Variants in SLC16A9 observed in about 807,000 individuals in gnomAD.
SLC16A9 encodes monocarboxylate transporter 9.
A neutral mutation model predicts 44.3 loss-of-function variants in SLC16A9; 26 were observed. The ratio of observed to expected loss-of-function variants is 0.59; its 90% CI spans 0.43 to 0.81. The LOEUF (loss-of-function observed/expected upper bound fraction) is 0.81. SLC16A9 is among the 40% of genes least tolerant of loss of function. The pLI, the probability that SLC16A9 is intolerant of heterozygous loss-of-function variation, is 0.00. For missense variants in SLC16A9, 559 were observed against 595.8 expected (o/e 0.94, Z 0.64); for synonymous variants, 230 against 225.1 (o/e 1.02, Z -0.19).
chr10:59,657,332 G>T (rs973444998), intron 4 of SLC16A9, among the ~76,000 whole-genome samples: 1 of 152,118 alleles, frequency 6.6e-6, no homozygotes, highest in African/African-American at 2.4e-5. Context: ...GAGGAAGATC[G>T]CTTCCCCCAA....
intron 1 of SLC16A9, among the ~76,000 whole-genome samples, chr10:59,702,764 TATAA>T (rs1791265493): frequency 6.6e-6 from 1 of 152,238 alleles, no homozygotes; most frequent in Non-Finnish European, 1.5e-5. Flanking sequence ...TTTGGATCCA[TATAA>T]ATAGCTTTTT....
chr10:59,672,871 G>C lies in SLC16A9; in HGVS notation c.239C>G (p.Pro80Arg), dbSNP rs748701864. 5 of 1,613,342 alleles carry C rather than the reference G, an allele frequency of 3.1e-6. No homozygotes were observed. Among genetic ancestry groups the C allele is most frequent in the Admixed American group, 3.3e-5 (2 of 59,906 alleles). Reference protein sequence around the residue: ...SLCVSSFGARPVTIFSGFMVA... With the variant: ...SLCVSSFGARRVTIFSGFMVA... Reference sequence around the variant, plus strand: ...CATGAAGCCACTGAAGATTGTGACAGGTCTTGCTCCAAAAGATGAGACACA... The same window carrying C: ...CATGAAGCCACTGAAGATTGTGACACGTCTTGCTCCAAAAGATGAGACACA... Residue 80 changes from proline (P) to arginine (R), a missense_variant, in exon 3 of 6, where the codon CCT becomes CGT. Transcript: ENST00000395348.
Position 59,654,505 on chromosome 10 carries a change from A to G in SLC16A9, c.521T>C (p.Val174Ala). 1 of 1,610,948 alleles carries G rather than the reference A, an allele frequency of 6.2e-7. No individual in the cohort carries two copies. The highest frequency in any genetic ancestry group is 8.5e-7 in the Non-Finnish European group (1 of 1,180,010). The change falls in exon 5 of 6, where the codon GTG (valine) becomes GCG (alanine). Residue 174 changes from valine to alanine, a missense_variant. By Grantham distance (64) the Val-to-Ala change is moderately conservative. Transcript: ENST00000395348. ...TAATATATTTAAAGCTAAAGCACCC[A>G]CAATCAGCAAGCATCCATCCAGTCC... ...FYGLDGCLLI[V>A]GALALNILAC...
chr10:59,652,824 AGTTGCTTGT>A lies in SLC16A9; in HGVS notation c.1469_1477del (p.Asn490_Leu493delinsIle), dbSNP rs776596319. On this transcript the variant is annotated inframe_deletion, in exon 6 of 6. Transcript: ENST00000395348. ...GAAAGTTGTTGGAGCTGGCTTGGGGAGTTGCTTGTTGCATGTATCCCAAGAGGGCAAGGC... is the reference window on the plus strand; with the variant it reads ...GAAAGTTGTTGGAGCTGGCTTGGGGATGCATGTATCCCAAGAGGGCAAGGC... 8 of 1,613,918 alleles carry A rather than the reference AGTTGCTTGT, an allele frequency of 5.0e-6. No individual in the cohort carries two copies. Among genetic ancestry groups the A allele is most frequent in the Non-Finnish European group, 6.8e-6 (8 of 1,179,918 alleles).
In SLC16A9 at chr10:59,652,789, C is replaced by T; in HGVS notation, c.1513G>A (p.Val505Ile). The T allele has an allele frequency of 6.2e-7, 1 of 1,611,436 alleles. No individual in the cohort carries two copies. The highest frequency in any genetic ancestry group is 8.5e-7 in the Non-Finnish European group (1 of 1,179,214). ...ATATTCTTCTAAACATTAGAGGCAA[C>T]TTTGTACAAGAAAGTTGTTGGAGCT... ...KPAPTTFLYK[V>I]ASNV Residue 505 changes from valine to isoleucine, a missense_variant, in exon 6 of 6, where the codon GTT becomes ATT. Coordinates refer to ENST00000395348, the MANE Select transcript of SLC16A9 (RefSeq NM_194298.3).
chr10:59,688,876 G>A (rs953673123), intron 1 of SLC16A9, among the ~76,000 whole-genome samples: 1 of 151,810 alleles, frequency 6.6e-6, no homozygotes, highest in African/African-American at 2.4e-5. Context: ...GAGGTTGCGG[G>A]CAATGGGGGA....
intron 4 of SLC16A9, among the ~76,000 whole-genome samples, chr10:59,663,162 T>A (rs1050507917): frequency 6.6e-6 from 1 of 151,814 alleles, no homozygotes; most frequent in African/African-American, 2.4e-5. Flanking sequence ...GAGTTTGAGA[T>A]TAGCCTGACC....
At chr10:59,708,137 T>C (rs1840685788) in intron 1 of SLC16A9, among the ~76,000 whole-genome samples, 1 of 152,206 alleles carries the variant, frequency 6.6e-6, no homozygotes, top group Non-Finnish European at 1.5e-5. Context: ...GGACTTTTTT[T>C]TGATGGTGGA....
At chr10:59,662,166 A>AG in intron 4 of SLC16A9, among the ~76,000 whole-genome samples, 1 of 152,206 alleles carries the variant, frequency 6.6e-6, no homozygotes, top group Non-Finnish European at 1.5e-5. Context: ...GCTTCTGCAA[A>AG]GCAAAAGAAA....
rs1222494893 is a variant in SLC16A9 at position 59,695,235 on chromosome 10, T to C, written c.-36-10908A>G. Among the ~76,000 whole-genome samples the C allele has an allele frequency of 2.0e-5, 3 of 152,070 alleles. No individual in the cohort carries two copies. In the East Asian group the frequency reaches 5.8e-4, roughly 29 times the overall value. ...GGTGATGAAAATGCTCTAAAATTGA[T>C]GGTAGTGATGGTTGTACTACTCTGA... On this transcript the variant is annotated intron_variant, in intron 1 of 5. Coordinates refer to ENST00000395348, the MANE Select transcript of SLC16A9 (RefSeq NM_194298.3).
chr10:59,675,868 C>T (rs986070609), intron 2 of SLC16A9, among the ~76,000 whole-genome samples: 6 of 152,196 alleles, frequency 3.9e-5, no homozygotes, highest in African/African-American at 1.4e-4. Flanking sequence ...AATGGGGCAC[C>T]TGAATCTCTC....
chr10:59,668,561 C>G (rs1362639276), intron 3 of SLC16A9, among the ~76,000 whole-genome samples: 4 of 152,192 alleles, frequency 2.6e-5, no homozygotes, highest in African/African-American at 7.2e-5. Context: ...ATTCCTCCAA[C>G]TAGACAATTG....
At chr10:59,684,354 A>G in intron 1 of SLC16A9, 27 bp from the exon 2 acceptor site, 1 of 1,432,718 alleles carries the variant, frequency 7.0e-7, no homozygotes, top group African/African-American at 1.4e-5. Context: ...AGAAAAGAGA[A>G]TCTTATTTAG....
chr10:59,660,621 GA>G (rs1262497661), intron 4 of SLC16A9, among the ~76,000 whole-genome samples: 4 of 152,114 alleles, frequency 2.6e-5, no homozygotes, highest in African/African-American at 9.7e-5. Flanking sequence ...CCAAACAATA[GA>G]AAAACAGGGA....
chr10:59,655,963 A>C (rs545802185), intron 4 of SLC16A9, among the ~76,000 whole-genome samples: 3 of 152,358 alleles, frequency 2.0e-5, no homozygotes, highest in Admixed American at 6.5e-5. Flanking sequence ...AGTTGTAAGA[A>C]AATATTTTCT....
chr10:59,662,421 G>C (rs1281580236), intron 4 of SLC16A9, among the ~76,000 whole-genome samples: 1 of 151,712 alleles, frequency 6.6e-6, no homozygotes, highest in Non-Finnish European at 1.5e-5. Context: ...CAGATCACAA[G>C]GTCAGGAGTT....
At chr10:59,670,183 G>A (rs922123825) in intron 3 of SLC16A9, among the ~76,000 whole-genome samples, 1 of 152,144 alleles carries the variant, frequency 6.6e-6, no homozygotes, top group Non-Finnish European at 1.5e-5. Context: ...AATTTAAGGA[G>A]AAAGGAACAA....
intron 2 of SLC16A9, among the ~76,000 whole-genome samples, chr10:59,675,643 G>A (rs745836982): frequency 7.3e-5 from 11 of 150,598 alleles, no homozygotes; most frequent in Non-Finnish European, 1.2e-4. Flanking sequence ...GTGGATGTAC[G>A]ACCTTCCTCT....
chr10:59,687,055 C>A (rs1263672479), intron 1 of SLC16A9, among the ~76,000 whole-genome samples: 2 of 152,144 alleles, frequency 1.3e-5, no homozygotes, highest in African/African-American at 4.8e-5. Flanking sequence ...TTACAGGCAC[C>A]ACCATGCCCA....
Sources: allele counts gnomAD v4.1 joint callset (sites outside exome capture counted in the v4.1 genomes callset), GRCh38; gene constraint gnomAD v4.1.1; transcripts MANE v1.5; gene names NCBI Gene and HGNC (gene_info 2026-07-23, HGNC 2026-07-21).